Variants in DCUN1D4 observed in about 807,000 individuals in gnomAD.
DCUN1D4 encodes the protein defective in cullin neddylation 1 domain containing 4.
A neutral mutation model predicts 47.9 loss-of-function variants in DCUN1D4; 22 were observed. The observed-to-expected ratio is 0.46, with a 90% confidence interval of 0.33 to 0.66. The LOEUF is 0.66. DCUN1D4 is among the 30% of genes least tolerant of loss of function. DCUN1D4 has a pLI of 0.02. For missense variants in DCUN1D4, 301 were observed against 340.8 expected (o/e 0.88, Z 0.92); for synonymous variants, 121 against 112.2 (o/e 1.08, Z -0.50).
chr4:51,840,643 G>A (rs981521227), upstream of DCUN1D4, among the ~76,000 whole-genome samples: 2 of 152,164 alleles, frequency 1.3e-5, no homozygotes, highest in African/African-American at 4.8e-5. Flanking sequence ...TAAGGGGTAT[G>A]GTTAACCAGT....
chr4:51,888,396 C>T (rs1202829658), intron 6 of DCUN1D4, among the ~76,000 whole-genome samples: 1 of 152,128 alleles, frequency 6.6e-6, no homozygotes, highest in Admixed American at 6.5e-5. Context: ...TACCAGTACT[C>T]AATAAAAGAT....
intron 1 of DCUN1D4, among the ~76,000 whole-genome samples, chr4:51,845,954 G>GTA (rs958000225): frequency 6.6e-6 from 1 of 152,112 alleles, no homozygotes; most frequent in African/African-American, 2.4e-5. Context: ...ATAAAAATAT[G>GTA]TACAAAAATG....
intron 8 of DCUN1D4, chr4:51,910,701 G>A: frequency 4.4e-6 from 1 of 227,130 alleles, no homozygotes; most frequent in Admixed American, 5.4e-5. Flanking sequence ...AGGCTTTATG[G>A]TCAACAATTA....
Position 51,874,412 on chromosome 4 carries a change from A to G in DCUN1D4, c.251+27A>G, listed in dbSNP as rs375894637. 2.5e-5 allele frequency: 38 copies of G among 1,536,666 alleles called. No homozygotes were observed. The African/African-American group carries it at 5.1e-4, about 21-fold the overall frequency. On this transcript the variant is annotated intron_variant, in intron 4 of 10. Coordinates refer to ENST00000334635, the MANE Select transcript of DCUN1D4 (RefSeq NM_001040402.3). ...TATGATGTAGAGACAGTAGATCAGAATCAGTGATACATATGTCGAAGATGC... is the reference window on the plus strand; with the variant it reads ...TATGATGTAGAGACAGTAGATCAGAGTCAGTGATACATATGTCGAAGATGC...
chr4:51,902,962 T>C (rs1156287751), intron 8 of DCUN1D4, among the ~76,000 whole-genome samples: 1 of 152,190 alleles, frequency 6.6e-6, no homozygotes, highest in Non-Finnish European at 1.5e-5. Context: ...CAAGAATCTT[T>C]ACAACTGTGT....
intron 1 of DCUN1D4, among the ~76,000 whole-genome samples, chr4:51,844,217 G>T (rs918951694): frequency 2.6e-4 from 40 of 151,388 alleles, no homozygotes; most frequent in Admixed American, 1.2e-3. Context: ...GCCGGGCTAA[G>T]GGGGTGTCAG....
the DCUN1D4 span, among the ~76,000 whole-genome samples, chr4:51,837,458 G>A: frequency 2.0e-5 from 3 of 151,660 alleles, no homozygotes; most frequent in Non-Finnish European, 1.5e-5. Flanking sequence ...ACGAGGTCAG[G>A]AGATCGAGAC....
chr4:51,858,330 G>T (rs1724472047), intron 1 of DCUN1D4, among the ~76,000 whole-genome samples: 1 of 152,094 alleles, frequency 6.6e-6, no homozygotes, highest in Non-Finnish European at 1.5e-5. Flanking sequence ...AACAGCACGT[G>T]CAAAGGCGCT....
intron 3 of DCUN1D4, chr4:51,865,607 A>G (rs1407194325): frequency 6.6e-6 from 1 of 152,260 alleles, no homozygotes; most frequent in Non-Finnish European, 1.5e-5. Flanking sequence ...GTATGCATGC[A>G]TATATGTTTA....
At chr4:51,884,393 A>T (rs1729144810) in intron 5 of DCUN1D4, 1 of 152,174 alleles carries the variant, frequency 6.6e-6, no homozygotes, top group African/African-American at 2.4e-5. Context: ...GAGGGCAGGG[A>T]CTGTTTGCAC....
Position 51,913,821 on chromosome 4 carries a change from C to G in DCUN1D4, c.*237C>G. 2.2e-6 allele frequency: 1 copy of G among 460,816 alleles called. No homozygotes were observed. The highest frequency in any genetic ancestry group is 3.8e-6 in the Non-Finnish European group (1 of 260,014). 28.5% of individuals were successfully genotyped at this position (460,816 alleles called of 1,614,324 possible). On this transcript the variant is annotated 3_prime_UTR_variant, in exon 11 of 11. Coordinates refer to ENST00000334635, the MANE Select transcript of DCUN1D4 (RefSeq NM_001040402.3). ...ACAGATTGGTGAATTTGCCAACGTC[C>G]TCACTGTGATTATGTGTATATTGCT...
intron 3 of DCUN1D4, among the ~76,000 whole-genome samples, chr4:51,866,564 C>T (rs1725959680): frequency 6.6e-6 from 1 of 152,074 alleles, no homozygotes; most frequent in South Asian, 2.1e-4. Context: ...ATAATACGTT[C>T]CTTCAGCCTC....
chr4:51,845,327 G>T (rs1722367377), intron 1 of DCUN1D4: 1 of 960,144 alleles, frequency 1.0e-6, no homozygotes, highest in African/African-American at 1.8e-5. Flanking sequence ...CTTGAAATGA[G>T]TGATGGAGGT....
At chr4:51,848,078 T>A in intron 1 of DCUN1D4, 1 of 603,314 alleles carries the variant, frequency 1.7e-6, no homozygotes, top group Non-Finnish European at 2.5e-6. Flanking sequence ...ATTCTTCCTG[T>A]TCCTGTTGTC....
chr4:51,863,534 T>C, intron 2 of DCUN1D4, 27 bp downstream of exon 2: 3 of 1,594,298 alleles, frequency 1.9e-6, no homozygotes, highest in Non-Finnish European at 2.6e-6. Flanking sequence ...AAGACAAAAT[T>C]ACCAACTGTT....
rs1424975593 is a variant in DCUN1D4 at position 51,914,405 on chromosome 4, G to C, written c.*821G>C. 6.6e-6 allele frequency: 1 copy of C among 152,192 alleles called. No individual in the cohort carries two copies. The highest frequency in any genetic ancestry group is 1.9e-4 in the East Asian group (1 of 5,180). 9.4% of individuals were successfully genotyped at this position (152,192 alleles called of 1,614,324 possible). ...CATTCTTCTAGCCAGTGATTGATCT[G>C]CTAATGCTTTCTTTGCCACTCTAAG... On this transcript the variant is annotated 3_prime_UTR_variant, in exon 11 of 11. Coordinates refer to ENST00000334635, the MANE Select transcript of DCUN1D4 (RefSeq NM_001040402.3).
At position 51,884,121 on chromosome 4, in the gene DCUN1D4, G is replaced by A. The variant is rs182358747; in HGVS notation, c.344-2447G>A. ...AAGTAAAATATTGTGTAATGAAGTA[G>A]AACATTTGTGATTAAAAGGAAAATA... is the stretch of plus-strand genomic sequence containing the variant. On this transcript the variant is annotated intron_variant, in intron 5 of 10. Transcript: ENST00000334635. Among the ~76,000 whole-genome samples the A allele has an allele frequency of 2.3e-3, 354 of 152,096 alleles. 3 individuals are homozygous for A. Among genetic ancestry groups the A allele is most frequent in the Middle Eastern group, 6.8e-3 (2 of 292 alleles).
intron 4 of DCUN1D4, 101 bp from the exon 5 acceptor site, chr4:51,877,662 A>T (rs1418737269): frequency 2.8e-6 from 2 of 726,614 alleles, no homozygotes; most frequent in Non-Finnish European, 4.6e-6. Context: ...TAAAATACTG[A>T]TTGAATAGAT....
rs539464374 is a variant in DCUN1D4, at chr4:51,872,557, C to T, written c.137-1714C>T. The stretch of plus-strand genomic sequence containing the variant: ...ACACTCCCTTCTCAAAGCATGCTCT[C>T]CTCCTTTGGCTTCCAGGACATGACA... On this transcript the variant is annotated intron_variant, in intron 3 of 10. Coordinates refer to ENST00000334635, the MANE Select transcript of DCUN1D4 (RefSeq NM_001040402.3). 4.9e-3 allele frequency among the ~76,000 whole-genome samples: 743 copies of T among 152,326 alleles called. 4 individuals carry two copies. The highest frequency in any genetic ancestry group is 8.3e-3 in the South Asian group (40 of 4,828).
Sources: allele counts gnomAD v4.1 joint callset (sites outside exome capture counted in the v4.1 genomes callset), GRCh38; gene constraint gnomAD v4.1.1; transcripts MANE v1.5; gene names NCBI Gene and HGNC (gene_info 2026-07-23, HGNC 2026-07-21).